PTPRQ: variants seen among roughly 807,000 people sequenced by gnomAD.
The protein encoded by PTPRQ is phosphatidylinositol phosphatase PTPRQ.
PTPRQ carries 199 observed loss-of-function variants against 246.0 expected under a neutral mutation model. That is an observed-to-expected ratio of 0.81 (90% CI 0.72 to 0.91). The LOEUF is 0.91. PTPRQ is among the 40% of genes least tolerant of loss of function. The pLI, the probability that PTPRQ is intolerant of heterozygous loss-of-function variation, is 0.00. For synonymous variants in PTPRQ, 869 were observed against 853.2 expected (o/e 1.02, Z -0.32); for missense variants, 2,624 against 2,528.4 (o/e 1.04, Z -0.81).
Position 80,669,471 on chromosome 12 carries a change from A to T in PTPRQ, c.6453+7A>T. ...GGATCTGAAAATTGAAAGGGTAAAA[A>T]AAAAAGGGGGGGACGAGAGAACATG... On this transcript the variant is annotated splice_region_variant and intron_variant, in intron 41 of 44. Coordinates refer to ENST00000644991, the MANE Select transcript of PTPRQ (RefSeq NM_001145026.2). The T allele has an allele frequency of 6.5e-7, 1 of 1,537,176 alleles. No homozygotes were observed. The highest frequency in any genetic ancestry group is 8.8e-7 in the Non-Finnish European group (1 of 1,142,436).
At chr12:80,630,866 G>A (rs1322539347) in intron 33 of PTPRQ, among the ~76,000 whole-genome samples, 1 of 152,006 alleles carries the variant, frequency 6.6e-6, no homozygotes, top group African/African-American at 2.4e-5. Context: ...ACAGGCGCCT[G>A]CCACCACGCC....
At chr12:80,454,791 A>G (rs573683526) in intron 3 of PTPRQ, among the ~76,000 whole-genome samples, 6 of 152,226 alleles carry the variant, frequency 3.9e-5, no homozygotes, top group Non-Finnish European at 7.3e-5. Context: ...AAAAAGTAGA[A>G]TATTTTTACT....
chr12:80,561,931 G>A (rs895810836), intron 25 of PTPRQ, among the ~76,000 whole-genome samples: 15 of 152,102 alleles, frequency 9.9e-5, no homozygotes, highest in Non-Finnish European at 1.8e-4. Context: ...TCTTTATCGA[G>A]TTGAGGAAAT....
At chr12:80,633,794 G>T (rs1899533461) in intron 34 of PTPRQ, among the ~76,000 whole-genome samples, 1 of 152,166 alleles carries the variant, frequency 6.6e-6, no homozygotes. Flanking sequence ...CTTTCCCTAA[G>T]GAGTATGGAC....
chr12:80,661,307 ATG>A (rs1367089198), intron 39 of PTPRQ, among the ~76,000 whole-genome samples: 1 of 148,570 alleles, frequency 6.7e-6, no homozygotes, highest in Non-Finnish European at 1.5e-5. Flanking sequence ...TATTTTATAT[ATG>A]TATATATATA....
chr12:80,450,140 T>C (rs11534867), intron 3 of PTPRQ, among the ~76,000 whole-genome samples: 136 of 152,096 alleles, frequency 8.9e-4, no homozygotes, highest in Non-Finnish European at 1.7e-3. Flanking sequence ...TTTGAATCAA[T>C]TGTGAATGGG....
chr12:80,658,369 G>T, intron 39 of PTPRQ, among the ~76,000 whole-genome samples: 1 of 151,954 alleles, frequency 6.6e-6, no homozygotes, highest in East Asian at 1.9e-4. Context: ...AATGAAGTTT[G>T]CCAATCTCTG....
intron 27 of PTPRQ, among the ~76,000 whole-genome samples, chr12:80,608,693 A>G (rs1592712640): frequency 6.7e-6 from 1 of 149,874 alleles, no homozygotes; most frequent in East Asian, 2.0e-4. Context: ...TTCCTCTGCT[A>G]CTAAGTAACC....
At chr12:80,460,924 T>C (rs1893143746) in intron 6 of PTPRQ, 22 bp downstream of exon 6, 3 of 400,026 alleles carry the variant, frequency 7.5e-6, no homozygotes, top group South Asian at 1.3e-4. Flanking sequence ...TTTTTGTAGA[T>C]AAAAAGATTT....
At chr12:80,567,976 A>G (rs1362126439) in intron 25 of PTPRQ, among the ~76,000 whole-genome samples, 1 of 152,068 alleles carries the variant, frequency 6.6e-6, no homozygotes, top group African/African-American at 2.4e-5. Flanking sequence ...TTTAATTCAC[A>G]TTTTTCTGAT....
At chr12:80,571,074 T>A (rs1054961414) in intron 25 of PTPRQ, among the ~76,000 whole-genome samples, 2 of 152,230 alleles carry the variant, frequency 1.3e-5, no homozygotes, top group African/African-American at 4.8e-5. Context: ...TGCTCTTTTT[T>A]GGTTCCATAT....
intron 8 of PTPRQ, among the ~76,000 whole-genome samples, chr12:80,480,683 A>G (rs991481650): frequency 1.3e-5 from 2 of 152,188 alleles, no homozygotes; most frequent in Non-Finnish European, 2.9e-5. Flanking sequence ...ACAAAATGAT[A>G]AAGGGGATAT....
chr12:80,593,515 A>G lies in PTPRQ; in HGVS notation c.4609+5063A>G, dbSNP rs529361660. ...AATATTCAACCAACTCAAGCTAACC[A>G]TTCTTTCTCTCACATGCTCTCACCT... On this transcript the variant is annotated intron_variant, in intron 26 of 44. Coordinates refer to ENST00000644991, the MANE Select transcript of PTPRQ (RefSeq NM_001145026.2). Among the ~76,000 whole-genome samples, 13 of 152,276 alleles carry G rather than the reference A, an allele frequency of 8.5e-5. No homozygotes were observed. In the East Asian group the frequency reaches 1.4e-3, roughly 16 times the overall value.
chr12:80,543,112 T>G (rs1026775331), intron 23 of PTPRQ, among the ~76,000 whole-genome samples: 3 of 152,102 alleles, frequency 2.0e-5, no homozygotes, highest in Admixed American at 1.3e-4. Flanking sequence ...CTTCCAGATA[T>G]CTACAATTTA....
chr12:80,456,710 A>G (rs1892994009), intron 3 of PTPRQ, among the ~76,000 whole-genome samples: 1 of 152,160 alleles, frequency 6.6e-6, no homozygotes, highest in Non-Finnish European at 1.5e-5. Context: ...CTCTGTTCAA[A>G]TAAATGTTAG....
chr12:80,457,612 G>T lies in PTPRQ; in HGVS notation c.428G>T (p.Ser143Ile). Reference protein sequence around the residue: ...AENSAGIGVFSDPFLFQTAES... With the variant: ...AENSAGIGVFIDPFLFQTAES... ...AACAGTGCTGGCATTGGAGTGTTTA[G>T]TGATCCATTTCTCTTCCAAACTGCA... Residue 143 changes from serine (S) to isoleucine (I), a missense_variant, in exon 4 of 45, where the codon AGT becomes ATT. Physicochemically the swap from Ser to Ile is moderately radical, Grantham distance 142. Coordinates refer to ENST00000644991, the MANE Select transcript of PTPRQ (RefSeq NM_001145026.2). 1 of 400,226 alleles carries T rather than the reference G, an allele frequency of 2.5e-6. No individual in the cohort carries two copies. The highest frequency in any genetic ancestry group is 4.4e-6 in the Non-Finnish European group (1 of 225,906). The allele number at this position is 400,226 out of a possible 1,614,324, so 24.8% of individuals were successfully genotyped here. A position where few individuals can be genotyped will look rare whatever the true frequency, so the allele number is the denominator to read the frequency against.
intron 6 of PTPRQ, among the ~76,000 whole-genome samples, chr12:80,467,748 A>T (rs201062741): frequency 0.089 from 13,560 of 151,520 alleles, 1,190 homozygotes; most frequent in African/African-American, 0.23. Flanking sequence ...TCAGTAAACT[A>T]TCACAAGAAC....
At chr12:80,461,284 G>A (rs998524828) in intron 6 of PTPRQ, among the ~76,000 whole-genome samples, 3 of 152,068 alleles carry the variant, frequency 2.0e-5, no homozygotes, top group African/African-American at 4.8e-5. Context: ...CTAGCAGAAC[G>A]AGCATGTGAT....
chr12:80,580,522 G>C (rs1005822974), intron 25 of PTPRQ, among the ~76,000 whole-genome samples: 1 of 152,118 alleles, frequency 6.6e-6, no homozygotes, highest in African/African-American at 2.4e-5. Context: ...TAGGGCAGTT[G>C]CCTTGAAATA....
Sources: gnomAD v4.1 joint callset for allele counts (sites outside exome capture counted in the v4.1 genomes callset) on GRCh38, gnomAD v4.1.1 for gene constraint, MANE v1.5 for transcripts, NCBI Gene and HGNC (gene_info 2026-07-23, HGNC 2026-07-21) for gene names.